The following CDH13 variants were observed in gnomAD, a reference collection of about 807,000 sequenced individuals.
CDH13 encodes the protein cadherin 13.
Under a neutral mutation model 63.8 loss-of-function variants are expected in CDH13, and 24 were observed. That is an observed-to-expected ratio of 0.38 (90% confidence interval 0.27 to 0.53). The LOEUF is 0.53. CDH13 is among the 20% of genes least tolerant of loss of function. CDH13 has a pLI of 0.85. For missense variants in CDH13, 1,049 were observed against 903.1 expected (o/e 1.16, Z -2.07); for synonymous variants, 503 against 355.3 (o/e 1.42, Z -4.67).
rs191766400 is a variant in CDH13, at chr16:83,730,270, A to T, written c.1539-17838A>T. Reference sequence around the variant, plus strand: ...CCCTCTCTCAGATCTTCACAATGCAAATCTGAGTATTAAAGGCTCTGAGAA... The same window carrying T: ...CCCTCTCTCAGATCTTCACAATGCATATCTGAGTATTAAAGGCTCTGAGAA... On this transcript the variant is annotated intron_variant, in intron 10 of 13. Coordinates refer to ENST00000567109, the MANE Select transcript of CDH13 (RefSeq NM_001257.5). 9.8e-4 allele frequency among the ~76,000 whole-genome samples: 149 copies of T among 152,328 alleles called. 1 individual carries two copies. Among genetic ancestry groups the T allele is most frequent in the African/African-American group, 3.4e-3 (142 of 41,570 alleles).
At chr16:83,623,059 A>G (rs762921909) in intron 8 of CDH13, among the ~76,000 whole-genome samples, 3 of 152,238 alleles carry the variant, frequency 2.0e-5, no homozygotes, top group Non-Finnish European at 4.4e-5. Context: ...ATGAAGTGAC[A>G]TCTTGTCCTT....
chr16:82,737,818 C>A (rs1196955084), intron 1 of CDH13, among the ~76,000 whole-genome samples: 5 of 152,110 alleles, frequency 3.3e-5, no homozygotes, highest in Admixed American at 3.3e-4. Context: ...AATTGACCTA[C>A]AAAAAATTGC....
At chr16:83,635,518 A>G (rs1350539950) in intron 8 of CDH13, among the ~76,000 whole-genome samples, 1 of 150,474 alleles carries the variant, frequency 6.6e-6, no homozygotes, top group East Asian at 2.0e-4. Context: ...TAATTTTTGT[A>G]TTTTTAGTAG....
chr16:83,793,175 A>G (rs1916386111), intron 13 of CDH13, among the ~76,000 whole-genome samples: 1 of 152,210 alleles, frequency 6.6e-6, no homozygotes. Context: ...CTATTACTGT[A>G]GACACAGTAG....
chr16:82,883,313 A>G (rs62035221), intron 2 of CDH13, among the ~76,000 whole-genome samples: 42,961 of 152,126 alleles, frequency 0.28, 8,034 homozygotes, highest in Non-Finnish European at 0.42. Context: ...CATCCCCACC[A>G]TCACATCATT....
chr16:82,646,412 T>G (rs1386866777), intron 1 of CDH13: 1 of 152,194 alleles, frequency 6.6e-6, no homozygotes, highest in African/African-American at 2.4e-5. Context: ...CAGGCTGATT[T>G]CAAACTCCTG....
At chr16:82,954,127 T>C (rs1905697489) in intron 2 of CDH13, 2 of 152,162 alleles carry the variant, frequency 1.3e-5, no homozygotes, top group Admixed American at 6.5e-5. Context: ...GAATGGTAGA[T>C]TGTCTCTGTG....
At chr16:83,371,731 T>G (rs992922669) in intron 6 of CDH13, among the ~76,000 whole-genome samples, 1 of 152,196 alleles carries the variant, frequency 6.6e-6, no homozygotes, top group African/African-American at 2.4e-5. Flanking sequence ...AGGCTTTGCA[T>G]GTAAGAAAAG....
intron 2 of CDH13, among the ~76,000 whole-genome samples, chr16:82,955,341 A>G (rs905771377): frequency 1.8e-4 from 28 of 152,326 alleles, no homozygotes; most frequent in African/African-American, 6.5e-4. Flanking sequence ...AACATTCAAG[A>G]AGGATGTTAT....
intron 1 of CDH13, among the ~76,000 whole-genome samples, chr16:82,782,009 TAACC>T (rs2035777032): frequency 6.6e-6 from 1 of 152,182 alleles, no homozygotes; most frequent in Non-Finnish European, 1.5e-5. Context: ...AAAGAGGAAG[TAACC>T]AGCCAGGGGT....
intron 2 of CDH13, among the ~76,000 whole-genome samples, chr16:83,014,435 G>A (rs1914480256): frequency 6.6e-6 from 1 of 151,428 alleles, no homozygotes; most frequent in African/African-American, 2.4e-5. Flanking sequence ...ATAAAAGCCA[G>A]GTATAAAGGT....
At chr16:83,030,764 C>A (rs557402716) in intron 2 of CDH13, among the ~76,000 whole-genome samples, 203 of 151,324 alleles carry the variant, frequency 1.3e-3, no homozygotes, top group Non-Finnish European at 1.8e-3. Flanking sequence ...CACAACAAAT[C>A]GTCCAGGGCT....
intron 2 of CDH13, among the ~76,000 whole-genome samples, chr16:83,026,756 A>G (rs1275253829): frequency 6.6e-6 from 1 of 152,146 alleles, no homozygotes; most frequent in Non-Finnish European, 1.5e-5. Flanking sequence ...CACTCAATAA[A>G]TAGTAGTGCC....
intron 1 of CDH13, among the ~76,000 whole-genome samples, chr16:82,642,990 CTG>C (rs1171697953): frequency 2.0e-5 from 3 of 152,164 alleles, no homozygotes; most frequent in Admixed American, 6.5e-5. Context: ...ATGGAACAAA[CTG>C]TCCAGAAAAG....
chr16:83,751,375 G>A (rs572309237), intron 11 of CDH13, among the ~76,000 whole-genome samples: 5 of 152,134 alleles, frequency 3.3e-5, no homozygotes, highest in South Asian at 2.1e-4. Flanking sequence ...TGGGCAGATC[G>A]CTTGAGGTCA....
At chr16:82,720,218 G>A (rs1021718094) in intron 1 of CDH13, among the ~76,000 whole-genome samples, 7 of 152,226 alleles carry the variant, frequency 4.6e-5, no homozygotes, top group Admixed American at 1.3e-4. Flanking sequence ...TTTGCAAAGC[G>A]AAAATTGTCA....
At chr16:83,104,430 A>G (rs987955734) in intron 3 of CDH13, among the ~76,000 whole-genome samples, 5 of 152,222 alleles carry the variant, frequency 3.3e-5, no homozygotes, top group Admixed American at 6.5e-5. Flanking sequence ...CAGAGAGAAG[A>G]GAGAGGCCAA....
intron 2 of CDH13, among the ~76,000 whole-genome samples, chr16:83,014,752 ATATATATATATATATATATATATG>A (rs1301809476): frequency 9.7e-5 from 4 of 41,124 alleles, no homozygotes; most frequent in African/African-American, 3.4e-4. Flanking sequence ...AAATATATAT[ATATATATATATATATATATATATG>A]TATATATATA....
intron 1 of CDH13, among the ~76,000 whole-genome samples, chr16:82,804,660 C>G (rs143612536): frequency 2.6e-5 from 4 of 152,076 alleles, no homozygotes; most frequent in African/African-American, 4.8e-5. Flanking sequence ...GTATGAAACA[C>G]CACAGTCAAT....
Sources: allele counts gnomAD v4.1 joint callset (sites outside exome capture counted in the v4.1 genomes callset), GRCh38; gene constraint gnomAD v4.1.1; transcripts MANE v1.5; gene names NCBI Gene and HGNC (gene_info 2026-07-23, HGNC 2026-07-21).